The following HECA variants were observed in gnomAD, a reference collection of about 807,000 sequenced individuals.
The protein encoded by HECA is headcase protein homolog.
A neutral mutation model predicts 37.6 loss-of-function variants in HECA; 13 were observed. The observed-to-expected ratio is 0.35, with a 90% CI of 0.23 to 0.55. The LOEUF (loss-of-function observed/expected upper bound fraction) is 0.55. Among genes scored for constraint, HECA ranks in the 20% least tolerant of loss-of-function variants. The probability of loss-of-function intolerance (pLI) is 0.90; values close to 1 mark genes in which losing one functional copy is unlikely to be tolerated. For missense variants in HECA, 527 were observed against 701.9 expected, an observed-to-expected ratio of 0.75 and a Z score of 2.82; for synonymous variants, 307 against 291.5, an observed-to-expected ratio of 1.05 and a Z score of -0.54.
At chr6:139,170,320 G>A (rs1165913655) in intron 2 of HECA, 1 of 152,172 alleles carries the variant, frequency 6.6e-6, no homozygotes, top group Non-Finnish European at 1.5e-5. Context: ...GTTCTTGCTT[G>A]TCATCAATTT....
chr6:139,135,540 C>A lies in HECA; in HGVS notation c.144C>A (p.Ala48=), dbSNP rs900668296. The part of the protein sequence containing the change: ...AAAGGALAAA[A]GCGAAAAGAP... ...CCGGGGGGGCCCTGGCGGCGGCGGC[C>A]GGTTGCGGGGCGGCGGCGGCGGGCG... Residue 48 remains alanine (A), a synonymous_variant, in exon 1 of 4, where the codon GCC becomes GCA. Coordinates refer to ENST00000367658, the MANE Select transcript of HECA (RefSeq NM_016217.3). The A allele has an allele frequency of 1.5e-5, 15 of 978,146 alleles. No individual in the cohort carries two copies. Among genetic ancestry groups the A allele is most frequent in the African/African-American group, 1.1e-4 (6 of 55,996 alleles). The allele number at this position is 978,146 out of a possible 1,614,324, so 60.6% of individuals were successfully genotyped here.
intron 1 of HECA, among the ~76,000 whole-genome samples, chr6:139,160,878 T>G (rs1296609594): frequency 6.6e-6 from 1 of 152,214 alleles, no homozygotes; most frequent in African/African-American, 2.4e-5. Context: ...TTATAAAGTG[T>G]TTTCATGTAC....
At chr6:139,136,523 C>T (rs1774447420) in intron 1 of HECA, among the ~76,000 whole-genome samples, 1 of 152,004 alleles carries the variant, frequency 6.6e-6, no homozygotes, top group East Asian at 1.9e-4. Flanking sequence ...GCACTTTTTC[C>T]AGGAAGACAA....
At position 139,177,596 on chromosome 6, in the gene HECA, A is replaced by G. The variant is rs1312172666; in HGVS notation, c.*491A>G. On this transcript the variant is annotated 3_prime_UTR_variant, in exon 4 of 4. Transcript: ENST00000367658. The surrounding 1 kb of genome is among the most constrained non-coding windows in gnomAD (Gnocchi z 4.9). ...CTCAGCCTAGTGTTCTGCAGCACAC[A>G]TGGGCAGGCAGTTTACTCACACTGA... 1 of 152,822 alleles carries G rather than the reference A, an allele frequency of 6.5e-6. No homozygotes were observed. The highest frequency in any genetic ancestry group is 1.5e-5 in the Non-Finnish European group (1 of 68,154). The allele number at this position is 152,822 out of a possible 1,614,324, so 9.5% of individuals were successfully genotyped here.
At chr6:139,162,393 C>T (rs963837269) in intron 1 of HECA, among the ~76,000 whole-genome samples, 1 of 152,104 alleles carries the variant, frequency 6.6e-6, no homozygotes, top group Non-Finnish European at 1.5e-5. Context: ...ATTTAAGGTA[C>T]ATTCTGTTGT....
intron 1 of HECA, among the ~76,000 whole-genome samples, chr6:139,157,243 G>A (rs894969175): frequency 2.0e-5 from 3 of 152,120 alleles, no homozygotes; most frequent in Non-Finnish European, 2.9e-5. Context: ...CACCATTTTG[G>A]GTTTGGTCGG....
Position 139,135,317 on chromosome 6 carries a change from C to T in HECA, c.-80C>T. 1.8e-6 allele frequency: 2 copies of T among 1,117,106 alleles called. No individual in the cohort carries two copies. Among genetic ancestry groups the T allele is most frequent in the Non-Finnish European group, 2.3e-6 (2 of 885,758 alleles). 69.2% of individuals were successfully genotyped at this position (1,117,106 alleles called of 1,614,324 possible). On this transcript the variant is annotated 5_prime_UTR_variant, in exon 1 of 4. Coordinates refer to ENST00000367658, the MANE Select transcript of HECA (RefSeq NM_016217.3). ...CTCCGTTCTTTCCCGGAGCCGGCTT[C>T]ACGCAGGGCCGGGAACGGCCGTGCC...
intron 2 of HECA, among the ~76,000 whole-genome samples, chr6:139,171,326 G>A (rs918220861): frequency 4.6e-5 from 7 of 152,190 alleles, no homozygotes; most frequent in African/African-American, 7.2e-5. Flanking sequence ...TTAGGCCTGA[G>A]TACTTGTGTG....
chr6:139,151,640 G>A (rs1363879330), intron 1 of HECA, among the ~76,000 whole-genome samples: 2 of 152,198 alleles, frequency 1.3e-5, no homozygotes, highest in Admixed American at 6.5e-5. Context: ...AAAGATTGGG[G>A]TCAGGAAACC....
chr6:139,140,345 T>C (rs57734234), intron 1 of HECA, among the ~76,000 whole-genome samples: 117 of 152,378 alleles, frequency 7.7e-4, no homozygotes, highest in African/African-American at 2.5e-3. Flanking sequence ...GTCAGTTTTT[T>C]GGGTCTCAAG....
chr6:139,175,845 C>T (rs1014704024), intron 3 of HECA, among the ~76,000 whole-genome samples: 5 of 152,178 alleles, frequency 3.3e-5, no homozygotes, highest in Non-Finnish European at 7.3e-5. Context: ...TGGTATTCAC[C>T]ATGCACTGTA....
intron 1 of HECA, among the ~76,000 whole-genome samples, chr6:139,138,587 T>C (rs139245600): frequency 2.0e-5 from 3 of 152,314 alleles, no homozygotes; most frequent in African/African-American, 7.2e-5. Flanking sequence ...AGGGCAATAT[T>C]AGCTTTTAGT....
At chr6:139,138,907 T>C (rs1015242536) in intron 1 of HECA, among the ~76,000 whole-genome samples, 57 of 152,240 alleles carry the variant, frequency 3.7e-4, no homozygotes, top group Admixed American at 1.3e-4. Context: ...ATTGCAGGTA[T>C]ACAAGATTAC....
chr6:139,163,036 A>G (rs1774829064), intron 1 of HECA, among the ~76,000 whole-genome samples: 1 of 152,102 alleles, frequency 6.6e-6, no homozygotes, highest in African/African-American at 2.4e-5. Flanking sequence ...CCTGCCCTCC[A>G]TCATTCCCGC....
chr6:139,139,906 C>T (rs986290851), intron 1 of HECA, among the ~76,000 whole-genome samples: 1 of 152,230 alleles, frequency 6.6e-6, no homozygotes, highest in Admixed American at 6.5e-5. Flanking sequence ...GTACCATTCA[C>T]ATAAAACACA....
intron 1 of HECA, among the ~76,000 whole-genome samples, chr6:139,141,978 G>T (rs1271095063): frequency 1.5e-5 from 2 of 131,730 alleles, no homozygotes; most frequent in Non-Finnish European, 3.1e-5. Context: ...CCAGGCTGGA[G>T]TGCAGTGGTG....
chr6:139,162,848 T>A (rs1212782119), intron 1 of HECA, among the ~76,000 whole-genome samples: 2 of 152,208 alleles, frequency 1.3e-5, no homozygotes, highest in African/African-American at 4.8e-5. Context: ...CATATGTCTT[T>A]AAGCTGTCGT....
chr6:139,162,509 C>A (rs1311941216), intron 1 of HECA, among the ~76,000 whole-genome samples: 1 of 152,184 alleles, frequency 6.6e-6, no homozygotes, highest in Non-Finnish European at 1.5e-5. Context: ...CTCAGGCAGT[C>A]TGGTTGCAGA....
At chr6:139,171,710 T>C (rs1038631739) in intron 2 of HECA, among the ~76,000 whole-genome samples, 1 of 152,220 alleles carries the variant, frequency 6.6e-6, no homozygotes, top group Non-Finnish European at 1.5e-5. Flanking sequence ...TACTGCAGCC[T>C]TGGACTGCTG....
Sources: allele counts gnomAD v4.1 joint callset (sites outside exome capture counted in the v4.1 genomes callset), GRCh38; gene constraint gnomAD v4.1.1; non-coding constraint Gnocchi (gnomAD v3.1); transcripts MANE v1.5; gene names NCBI Gene and HGNC (gene_info 2026-07-23, HGNC 2026-07-21).